Variants in TVP23B observed in about 807,000 individuals in gnomAD.
TVP23B encodes the protein trans-golgi network vesicle protein 23 homolog B, also known as Golgi apparatus membrane protein TVP23 homolog B.
In TVP23B, 10 loss-of-function variants were observed where a neutral mutation model predicts 30.6. The observed-to-expected ratio is 0.33, with a 90% CI of 0.20 to 0.55. The LOEUF (loss-of-function observed/expected upper bound fraction) is 0.55, where lower values mean the gene tolerates loss of function less well. TVP23B is among the 20% of genes least tolerant of loss of function. The probability of loss-of-function intolerance (pLI) is 0.91; values close to 1 mark genes in which losing one functional copy is unlikely to be tolerated. For synonymous variants in TVP23B, 67 were observed against 83.1 expected, an observed-to-expected ratio of 0.81 and a Z score of 1.06; for missense variants, 153 against 243.2, an observed-to-expected ratio of 0.63 and a Z score of 2.47.
At chr17:18,793,804 T>G (rs2036035109) in intron 3 of TVP23B, among the ~76,000 whole-genome samples, 1 of 152,080 alleles carries the variant, frequency 6.6e-6, no homozygotes, top group Non-Finnish European at 1.5e-5. Context: ...AAATGTAATT[T>G]GATTAAACTA....
chr17:18,803,536 A>G (rs1284884071), intron 5 of TVP23B, among the ~76,000 whole-genome samples: 1 of 152,226 alleles, frequency 6.6e-6, no homozygotes, highest in Non-Finnish European at 1.5e-5. Context: ...TGGGATGACC[A>G]TAGGTGAGAA....
At chr17:18,783,353 G>A (rs1032312429) in intron 1 of TVP23B, among the ~76,000 whole-genome samples, 2 of 152,064 alleles carry the variant, frequency 1.3e-5, no homozygotes, top group Admixed American at 6.6e-5. Context: ...TGATCCACCC[G>A]CCTCAGCCTT....
chr17:18,786,581 C>T (rs961733689), intron 1 of TVP23B, among the ~76,000 whole-genome samples: 12 of 152,196 alleles, frequency 7.9e-5, no homozygotes, highest in East Asian at 3.8e-4. Flanking sequence ...TCTTGCTGTA[C>T]GTTATGATCA....
chr17:18,801,408 T>C (rs1408268410), intron 5 of TVP23B, among the ~76,000 whole-genome samples: 2 of 152,102 alleles, frequency 1.3e-5, no homozygotes, highest in Non-Finnish European at 2.9e-5. Context: ...GCCCTTCTCT[T>C]TCTGCTGGTT....
intron 3 of TVP23B, among the ~76,000 whole-genome samples, chr17:18,793,050 G>A (rs2954743): frequency 0.027 from 4,080 of 151,744 alleles, 104 homozygotes; most frequent in South Asian, 0.073. Context: ...AAAAAAAATC[G>A]CACACAAAAA....
intron 2 of TVP23B, 71 bp downstream of exon 2, chr17:18,789,506 G>A: frequency 6.3e-7 from 1 of 1,599,890 alleles, no homozygotes; most frequent in Non-Finnish European, 8.5e-7. Flanking sequence ...AGTGCTAGCT[G>A]ATGGGAGTCA....
chr17:18,790,005 G>A (rs1466031475), intron 2 of TVP23B, among the ~76,000 whole-genome samples: 1 of 152,178 alleles, frequency 6.6e-6, no homozygotes, highest in African/African-American at 2.4e-5. Flanking sequence ...AGGTAAATGG[G>A]GAATGACTGC....
intron 6 of TVP23B, 136 bp from the exon 7 acceptor site, chr17:18,805,405 T>C: frequency 2.1e-6 from 3 of 1,445,120 alleles, no homozygotes; most frequent in Non-Finnish European, 1.8e-6. Flanking sequence ...CTTTTTAATG[T>C]GATTGGGCCA....
At chr17:18,792,062 T>C (rs1320791145) in intron 3 of TVP23B, among the ~76,000 whole-genome samples, 2 of 151,800 alleles carry the variant, frequency 1.3e-5, no homozygotes, top group Admixed American at 6.6e-5. Context: ...AGACGGAGTT[T>C]CACTTTTGTT....
At chr17:18,783,901 C>G (rs1291767133) in intron 1 of TVP23B, among the ~76,000 whole-genome samples, 9 of 152,196 alleles carry the variant, frequency 5.9e-5, no homozygotes, top group Admixed American at 5.9e-4. Flanking sequence ...AATCCCAGCA[C>G]TTTGGGAGGC....
chr17:18,785,815 G>A (rs932981282), intron 1 of TVP23B, among the ~76,000 whole-genome samples: 3 of 152,002 alleles, frequency 2.0e-5, no homozygotes, highest in Admixed American at 6.6e-5. Context: ...CAGCCTGGGC[G>A]AGAGCCAGAC....
chr17:18,784,003 G>T (rs1431259169), intron 1 of TVP23B, among the ~76,000 whole-genome samples: 1 of 152,072 alleles, frequency 6.6e-6, no homozygotes, highest in East Asian at 1.9e-4. Flanking sequence ...AAATTAGCCG[G>T]GGGTGGTGGC....
intron 5 of TVP23B, among the ~76,000 whole-genome samples, chr17:18,800,285 A>G (rs1331716356): frequency 1.3e-5 from 2 of 151,886 alleles, no homozygotes; most frequent in East Asian, 1.9e-4. Context: ...GTTTGTTCCA[A>G]TGTTATTTTT....
rs2036213652 is a variant in TVP23B at position 18,804,217 on chromosome 17, A to G, written c.542A>G (p.His181Arg). The change falls in exon 6 of 7, where the codon CAT becomes CGT. Residue 181 changes from histidine (H) to arginine (R), a missense_variant. His to Arg is a conservative substitution (Grantham distance 29). Coordinates refer to ENST00000307767, the MANE Select transcript of TVP23B (RefSeq NM_016078.6). ...AGGTGTAAGGTGCGCAGCAGAAAGC[A>G]TTTAACCAGCATGGCTACTTCATAT... ...YIRCKVRSRK[H>R]LTSMATSYFG... 1.9e-6 allele frequency: 3 copies of G among 1,609,752 alleles called. No homozygotes were observed. Among genetic ancestry groups the G allele is most frequent in the Non-Finnish European group, 2.5e-6 (3 of 1,178,708 alleles).
chr17:18,783,442 C>T (rs930210255), intron 1 of TVP23B, among the ~76,000 whole-genome samples: 1 of 152,210 alleles, frequency 6.6e-6, no homozygotes, highest in African/African-American at 2.4e-5. Flanking sequence ...ACGTGAACCT[C>T]AGTCGAGCCC....
At position 18,805,789 on chromosome 17, in the gene TVP23B, A is replaced by C; in HGVS notation, c.*222A>C. 1 of 1,412,938 alleles carries C rather than the reference A, an allele frequency of 7.1e-7. No homozygotes were observed. The highest frequency in any genetic ancestry group is 9.2e-7 in the Non-Finnish European group (1 of 1,084,730). 87.5% of individuals were successfully genotyped at this position (1,412,938 alleles called of 1,614,324 possible). ...TGTGTTGGCACTAGAAACATTGTCA[A>C]GATTTGTTCTGTGGTGTAGGTATGC... On this transcript the variant is annotated 3_prime_UTR_variant, in exon 7 of 7. Coordinates refer to ENST00000307767, the MANE Select transcript of TVP23B (RefSeq NM_016078.6).
At chr17:18,785,345 A>G (rs1437347330) in intron 1 of TVP23B, among the ~76,000 whole-genome samples, 4 of 149,652 alleles carry the variant, frequency 2.7e-5, no homozygotes, top group Non-Finnish European at 4.4e-5. Flanking sequence ...GGTCTTCCCC[A>G]TCTTAGTAAA....
At chr17:18,801,482 G>A (rs2151851686) in intron 5 of TVP23B, among the ~76,000 whole-genome samples, 1 of 152,316 alleles carries the variant, frequency 6.6e-6, no homozygotes, top group Non-Finnish European at 1.5e-5. Context: ...CTGCTGCTCT[G>A]AGCTGGAGTT....
chr17:18,791,077 A>G, intron 3 of TVP23B, 37 bp downstream of exon 3: 1 of 1,541,400 alleles, frequency 6.5e-7, no homozygotes, highest in Non-Finnish European at 8.7e-7. Flanking sequence ...ATTATATTTA[A>G]TATGAAAATG....
Sources: allele counts gnomAD v4.1 joint callset (sites outside exome capture counted in the v4.1 genomes callset), GRCh38; gene constraint gnomAD v4.1.1; transcripts MANE v1.5; gene names NCBI Gene and HGNC (gene_info 2026-07-23, HGNC 2026-07-21).